SPPL3: variants seen among roughly 807,000 people sequenced by gnomAD.
The protein encoded by SPPL3 is signal peptide peptidase-like 3.
SPPL3 carries 5 observed loss-of-function variants against 42.4 expected under a neutral mutation model. That is an observed-to-expected ratio of 0.12 (90% CI 0.06 to 0.25). The LOEUF is 0.25. SPPL3 is among the 10% of genes least tolerant of loss of function. The pLI is 1.00. For synonymous variants in SPPL3, 195 were observed against 181.8 expected (o/e 1.07, Z -0.58); for missense variants, 235 against 489.0 (o/e 0.48, Z 4.90).
At chr12:120,878,204 TAAAAAAC>T (rs556503041) in intron 1 of SPPL3, among the ~76,000 whole-genome samples, 131 of 152,168 alleles carry the variant, frequency 8.6e-4, no homozygotes, top group Non-Finnish European at 1.2e-3. Context: ...ATGTAGTATT[TAAAAAAC>T]AAAAAACAAA....
chr12:120,767,353 G>C, intron 9 of SPPL3, 41 bp downstream of exon 9: 3 of 1,584,846 alleles, frequency 1.9e-6, no homozygotes, highest in Non-Finnish European at 2.6e-6. Context: ...TTGGAGGACA[G>C]CCAGAGCGAG....
At chr12:120,789,341 C>T (rs1450627085) in intron 3 of SPPL3, among the ~76,000 whole-genome samples, 1 of 150,350 alleles carries the variant, frequency 6.7e-6, no homozygotes, top group African/African-American at 2.4e-5. Context: ...GTAATCCCAG[C>T]TACTCGGGAG....
At chr12:120,803,341 G>A (rs1870386135) in intron 2 of SPPL3, among the ~76,000 whole-genome samples, 1 of 151,910 alleles carries the variant, frequency 6.6e-6, no homozygotes, top group African/African-American at 2.4e-5. Context: ...CTCTGAAATC[G>A]GGCAGTGAAG....
intron 3 of SPPL3, among the ~76,000 whole-genome samples, chr12:120,784,836 G>T (rs1428206409): frequency 6.6e-6 from 1 of 151,854 alleles, no homozygotes; most frequent in Admixed American, 6.6e-5. Context: ...CTACCTCCTG[G>T]TGTTAACCAT....
chr12:120,768,280 A>C (rs1479058146), intron 8 of SPPL3, 45 bp downstream of exon 8: 7 of 1,571,982 alleles, frequency 4.5e-6, no homozygotes, highest in Non-Finnish European at 6.1e-6. Context: ...GGGAACAGAT[A>C]GGCACAGGAA....
chr12:120,875,566 T>G (rs181056328), intron 1 of SPPL3, among the ~76,000 whole-genome samples: 1 of 151,594 alleles, frequency 6.6e-6, no homozygotes, highest in South Asian at 2.1e-4. Context: ...GAGGTGAAGG[T>G]TGCAGTCAGC....
At chr12:120,862,684 A>G (rs1171253365) in intron 1 of SPPL3, among the ~76,000 whole-genome samples, 1 of 152,174 alleles carries the variant, frequency 6.6e-6, no homozygotes, top group Non-Finnish European at 1.5e-5. Flanking sequence ...GCACCAGTTC[A>G]CAAGTCCAGA....
chr12:120,856,001 T>G (rs890079694), intron 1 of SPPL3, among the ~76,000 whole-genome samples: 1 of 152,214 alleles, frequency 6.6e-6, no homozygotes, highest in Non-Finnish European at 1.5e-5. Flanking sequence ...CAGAACTCTG[T>G]GATCATGAAA....
intron 1 of SPPL3, among the ~76,000 whole-genome samples, chr12:120,812,624 T>C (rs1870721583): frequency 6.6e-6 from 1 of 151,950 alleles, no homozygotes; most frequent in South Asian, 2.1e-4. Flanking sequence ...AATCTCCAAA[T>C]TGAAAGATCA....
chr12:120,878,331 TA>T (rs1873176010), intron 1 of SPPL3, among the ~76,000 whole-genome samples: 1 of 152,174 alleles, frequency 6.6e-6, no homozygotes, highest in Non-Finnish European at 1.5e-5. Context: ...ATTAACAAGA[TA>T]CTTTACGGAA....
chr12:120,769,742 G>C (rs1454748183), intron 6 of SPPL3: 1 of 152,154 alleles, frequency 6.6e-6, no homozygotes, highest in Non-Finnish European at 1.5e-5. Flanking sequence ...GTAGAGATGG[G>C]GTTTCACCAT....
At chr12:120,846,482 A>G (rs1033541412) in intron 1 of SPPL3, among the ~76,000 whole-genome samples, 2 of 152,208 alleles carry the variant, frequency 1.3e-5, no homozygotes, top group South Asian at 2.1e-4. Context: ...AGCTGCTAGT[A>G]TTTCCATTTA....
chr12:120,884,550 TA>T (rs35595273), intron 1 of SPPL3, among the ~76,000 whole-genome samples: 88,751 of 143,636 alleles, frequency 0.62, 27,412 homozygotes, highest in East Asian at 0.84. Context: ...TTGTATAATT[TA>T]AAAAAAAAAA....
intron 2 of SPPL3, among the ~76,000 whole-genome samples, chr12:120,800,749 AACCT>A (rs1870263498): frequency 6.6e-6 from 1 of 152,172 alleles, no homozygotes; most frequent in African/African-American, 2.4e-5. Flanking sequence ...ACTTACATAG[AACCT>A]ACACTAAGAA....
intron 2 of SPPL3, among the ~76,000 whole-genome samples, chr12:120,792,783 GACATCAGCC>G (rs1322388607): frequency 6.6e-6 from 1 of 151,926 alleles, no homozygotes; most frequent in Non-Finnish European, 1.5e-5. Flanking sequence ...AAGTGCTGTG[GACATCAGCC>G]ACATCATGTG....
chr12:120,884,235 G>A (rs572020337), intron 1 of SPPL3, among the ~76,000 whole-genome samples: 18 of 152,226 alleles, frequency 1.2e-4, no homozygotes, highest in African/African-American at 3.9e-4. Flanking sequence ...ACAAAGGAGA[G>A]TACAAAGGGG....
chr12:120,815,321 T>C (rs1411321675), intron 1 of SPPL3, among the ~76,000 whole-genome samples: 1 of 152,254 alleles, frequency 6.6e-6, no homozygotes, highest in Non-Finnish European at 1.5e-5. Context: ...AGATGAAAAC[T>C]GGTATCTCAG....
At position 120,810,821 on chromosome 12, in the gene SPPL3, T is replaced by C; in HGVS notation, c.89A>G (p.Tyr30Cys). 6.2e-7 allele frequency: 1 copy of C among 1,610,810 alleles called. No individual in the cohort carries two copies. Residue 30 changes from tyrosine to cysteine, a missense_variant, in exon 2 of 11, where the codon TAT becomes TGT. Tyr to Cys is a radical substitution (Grantham distance 194). Around this residue, in one of 6 missense-constraint regions of SPPL3, gnomAD observed 110 missense variants for 186.2 expected, o/e 0.59. Coordinates refer to ENST00000353487, the MANE Select transcript of SPPL3 (RefSeq NM_139015.5). ...TFLISILLIVYGSFRSLNMDF... is the reference protein window; with the variant it reads ...TFLISILLIVCGSFRSLNMDF... ...GAGAATATCTTACCTGAAACTACCA[T>C]AGACTATAAGAAGAATGGAAATCAG...
At chr12:120,783,897 A>T (rs978925888) in intron 4 of SPPL3, 145 bp from the exon 5 acceptor site, 3 of 607,188 alleles carry the variant, frequency 4.9e-6, no homozygotes, top group Non-Finnish European at 8.3e-6. Flanking sequence ...TACTGCACAA[A>T]AAATCTCTTC....
Sources: gnomAD v4.1 joint callset for allele counts (sites outside exome capture counted in the v4.1 genomes callset) on GRCh38, gnomAD v4.1.1 for gene constraint, gnomAD v4.1.1 regional missense constraint, MANE v1.5 for transcripts, NCBI Gene and HGNC (gene_info 2026-07-23, HGNC 2026-07-21) for gene names.